Variants in RELN observed in about 807,000 individuals in gnomAD.
The protein encoded by RELN is reelin.
In RELN, 108 loss-of-function variants were observed where a neutral mutation model predicts 427.6. That is an observed-to-expected ratio of 0.25 (90% CI 0.22 to 0.30). RELN has a LOEUF of 0.30. Ranked by LOEUF, RELN falls within the 10% of genes least tolerant of loss-of-function variation. The pLI, the probability that RELN is intolerant of heterozygous loss-of-function variation, is 1.00. For synonymous variants in RELN, 1,524 were observed against 1,513.4 expected, an observed-to-expected ratio of 1.01 and a Z score of -0.16; for missense variants, 3,715 against 4,302.8, an observed-to-expected ratio of 0.86 and a Z score of 3.82.
intron 11 of RELN, among the ~76,000 whole-genome samples, chr7:103,681,490 G>GT (rs1269332762): frequency 4.0e-5 from 6 of 151,370 alleles, no homozygotes; most frequent in Non-Finnish European, 7.4e-5. Context: ...TCTTATTAAT[G>GT]TTTTTTTTCA....
intron 64 of RELN, among the ~76,000 whole-genome samples, chr7:103,475,685 T>C (rs977337818): frequency 4.6e-5 from 7 of 152,218 alleles, no homozygotes; most frequent in Admixed American, 3.9e-4. Flanking sequence ...CAAAACTTGA[T>C]GTGCTTACTT....
intron 8 of RELN, among the ~76,000 whole-genome samples, chr7:103,717,024 T>C (rs180867512): frequency 6.6e-6 from 1 of 152,116 alleles, no homozygotes; most frequent in African/African-American, 2.4e-5. Flanking sequence ...ATTACTGACA[T>C]TTTTCTAAGC....
intron 10 of RELN, among the ~76,000 whole-genome samples, chr7:103,692,568 G>A (rs1584411688): frequency 1.3e-5 from 2 of 152,180 alleles, no homozygotes. Flanking sequence ...CTACATTGGA[G>A]GTGAGCAGCT....
intron 6 of RELN, among the ~76,000 whole-genome samples, chr7:103,732,846 T>C (rs1584444740): frequency 2.0e-5 from 3 of 152,070 alleles, no homozygotes; most frequent in Admixed American, 2.0e-4. Context: ...GTTGCGAAAA[T>C]TTTCTCCCAT....
At chr7:103,539,738 TTC>T (rs1830136830) in intron 44 of RELN, among the ~76,000 whole-genome samples, 2 of 152,194 alleles carry the variant, frequency 1.3e-5, no homozygotes, top group Non-Finnish European at 2.9e-5. Context: ...GTTCTTTGAG[TTC>T]TATTTGATAT....
intron 1 of RELN, among the ~76,000 whole-genome samples, chr7:103,928,717 T>C (rs577051048): frequency 3.9e-5 from 6 of 152,248 alleles, no homozygotes; most frequent in Non-Finnish European, 7.3e-5. Context: ...ATGGAACACC[T>C]GTTCTTAGGA....
chr7:103,683,251 G>A (rs766286381), intron 10 of RELN, among the ~76,000 whole-genome samples: 2 of 152,122 alleles, frequency 1.3e-5, no homozygotes, highest in Non-Finnish European at 2.9e-5. Flanking sequence ...CAAGGACAAT[G>A]TCCATTTTGT....
chr7:103,557,260 A>G, intron 37 of RELN, 101 bp from the exon 38 acceptor site: 1 of 993,964 alleles, frequency 1.0e-6, no homozygotes. Context: ...AAGAGAACTT[A>G]TGTTTACATG....
rs570928147 is a variant in RELN at position 103,535,308 on chromosome 7, A to G, written c.7349+8T>C. On this transcript the variant is annotated splice_region_variant and intron_variant, in intron 46 of 64. Coordinates refer to ENST00000428762, the MANE Select transcript of RELN (RefSeq NM_005045.4). The stretch of plus-strand genomic sequence containing the variant: ...AAGCATGTGGTGAACATGTAGAAGC[A>G]TTCTTACCTGGTATAAGGAGGGAGA... 5 of 1,613,756 alleles carry G rather than the reference A, an allele frequency of 3.1e-6. No homozygotes were observed. In the South Asian group the frequency reaches 4.4e-5, roughly 14 times the overall value.
chr7:103,710,913 C>A (rs1415479218), intron 8 of RELN, among the ~76,000 whole-genome samples: 2 of 152,014 alleles, frequency 1.3e-5, no homozygotes, highest in Non-Finnish European at 2.9e-5. Context: ...GTGTGGTGGC[C>A]CATGCCTATA....
chr7:103,625,729 G>GA lies in RELN; in HGVS notation c.2702+4210dup, dbSNP rs138038068. On this transcript the variant is annotated intron_variant, in intron 20 of 64. Coordinates refer to ENST00000428762, the MANE Select transcript of RELN (RefSeq NM_005045.4). ...AAAATTAAAAAAGATAACATGCAAA[G>GA]AAAAAAAAACCACTCAGGCTCAAAG... Among the ~76,000 whole-genome samples the GA allele has an allele frequency of 2.2e-3, 324 of 147,848 alleles. 5 individuals carry two copies. Among genetic ancestry groups the GA allele is most frequent in the African/African-American group, 7.4e-3 (300 of 40,714 alleles).
At chr7:103,723,283 A>T (rs1374931913) in intron 7 of RELN, 92 bp from the exon 8 acceptor site, 1 of 747,168 alleles carries the variant, frequency 1.3e-6, no homozygotes, top group Non-Finnish European at 2.4e-6. Flanking sequence ...GGAAGAGTTA[A>T]AAAAGAGGAG....
At chr7:103,515,689 C>T (rs544539910) in intron 49 of RELN, among the ~76,000 whole-genome samples, 2 of 152,368 alleles carry the variant, frequency 1.3e-5, no homozygotes, top group East Asian at 3.9e-4. Flanking sequence ...TTGGTTCTGT[C>T]TCTGGGCAGG....
At chr7:103,817,937 CAAAAAA>C (rs71154371) in intron 3 of RELN, among the ~76,000 whole-genome samples, 1 of 36,016 alleles carries the variant, frequency 2.8e-5, no homozygotes, top group Non-Finnish European at 4.4e-5. Flanking sequence ...GACTCCATCT[CAAAAAA>C]AAAAAAAAAA....
chr7:103,943,509 G>A (rs1356940563), intron 1 of RELN, among the ~76,000 whole-genome samples: 4 of 152,082 alleles, frequency 2.6e-5, no homozygotes, highest in African/African-American at 9.7e-5. Context: ...ATACCCTCCA[G>A]AGAAGTGTTA....
chr7:103,487,399 T>C lies in RELN; in HGVS notation c.9764-983A>G, dbSNP rs536754494. 2.9e-4 allele frequency among the ~76,000 whole-genome samples: 16 copies of C among 55,312 alleles called. No homozygotes were observed. In the East Asian group the frequency reaches 7.2e-3, roughly 25 times the overall value. The allele number at this position is 55,312 out of a possible 152,430, so 36.3% of individuals were successfully genotyped here. A position where few individuals can be genotyped will look rare whatever the true frequency, so the allele number is the denominator to read the frequency against. On this transcript the variant is annotated intron_variant, in intron 60 of 64. Coordinates refer to ENST00000428762, the MANE Select transcript of RELN (RefSeq NM_005045.4). ...TGCACATGTATCCCAGAACTTAAAGTAGAAAAAAAAAAAGAGAAATATAAC... is the reference window on the plus strand; with the variant it reads ...TGCACATGTATCCCAGAACTTAAAGCAGAAAAAAAAAAAGAGAAATATAAC...
chr7:103,488,158 A>G (rs1222840677), intron 60 of RELN, among the ~76,000 whole-genome samples: 1 of 152,216 alleles, frequency 6.6e-6, no homozygotes, highest in Non-Finnish European at 1.5e-5. Context: ...TCAAAAAAAA[A>G]AAAGATATTC....
At chr7:103,577,544 A>T (rs1278393916) in intron 28 of RELN, among the ~76,000 whole-genome samples, 1 of 146,868 alleles carries the variant, frequency 6.8e-6, no homozygotes, top group African/African-American at 2.5e-5. Context: ...AAGTTTAGAA[A>T]AACAAAGCAA....
chr7:103,540,027 G>C (rs1347789472), intron 44 of RELN, among the ~76,000 whole-genome samples, 170 bp downstream of exon 44: 2 of 152,240 alleles, frequency 1.3e-5, no homozygotes, highest in African/African-American at 4.8e-5. Context: ...AATAGAGAAT[G>C]AAAGGAAGCT....
Sources: gnomAD v4.1 joint callset for allele counts (sites outside exome capture counted in the v4.1 genomes callset) on GRCh38, gnomAD v4.1.1 for gene constraint, MANE v1.5 for transcripts, NCBI Gene and HGNC (gene_info 2026-07-23, HGNC 2026-07-21) for gene names.